NCK2: variants seen among roughly 807,000 people sequenced by gnomAD.
NCK2 encodes NCK adaptor protein 2, also known as cytoplasmic protein NCK2.
In NCK2, 16 loss-of-function variants were observed where a neutral mutation model predicts 33.9. The observed-to-expected ratio is 0.47, with a 90% confidence interval of 0.32 to 0.72. The LOEUF is 0.72. Among genes scored for constraint, NCK2 ranks in the 30% least tolerant of loss-of-function variants. NCK2 has a pLI of 0.03. For synonymous variants in NCK2, 273 were observed against 239.9 expected, an observed-to-expected ratio of 1.14 and a Z score of -1.27; for missense variants, 418 against 537.3, an observed-to-expected ratio of 0.78 and a Z score of 2.19.
chr2:105,893,194 ACTCG>A lies in NCK2; in HGVS notation c.*20_*23del, dbSNP rs748299981. On this transcript the variant is annotated 3_prime_UTR_variant, in exon 5 of 5. Transcript: ENST00000233154. ...TGCAGTGACGGCGCCCCGGCCCCAC[ACTCG>A]CCTCCCGGGCCCCACGGTGGAGCTG... 1.1e-5 allele frequency: 17 copies of A among 1,560,670 alleles called. No individual in the cohort carries two copies. The African/African-American group carries it at 2.0e-4, about 19-fold the overall frequency.
At chr2:105,806,239 T>A (rs533178748) in intron 1 of NCK2, among the ~76,000 whole-genome samples, 1,107 of 5,124 alleles carry the variant, frequency 0.22, 21 homozygotes, top group African/African-American at 0.3. Context: ...ATTTTCTTTC[T>A]TTTTTTTTTT....
intron 1 of NCK2, among the ~76,000 whole-genome samples, chr2:105,765,246 G>A (rs778292639): frequency 2.4e-4 from 37 of 152,198 alleles, no homozygotes; most frequent in Non-Finnish European, 4.3e-4. Flanking sequence ...CTAGAGGACC[G>A]TGTCTCAGAG....
At chr2:105,800,251 C>T (rs996970196) in intron 1 of NCK2, among the ~76,000 whole-genome samples, 18 of 152,242 alleles carry the variant, frequency 1.2e-4, no homozygotes, top group African/African-American at 4.1e-4. Context: ...CCGGTTCCAA[C>T]TGCACACCTT....
At chr2:105,883,038 A>G (rs1441416235) in intron 4 of NCK2, among the ~76,000 whole-genome samples, 2 of 110,008 alleles carry the variant, frequency 1.8e-5, no homozygotes, top group African/African-American at 7.3e-5. Context: ...AGCCCTCCAG[A>G]GAGAGGCGAC....
intron 1 of NCK2, among the ~76,000 whole-genome samples, chr2:105,808,459 C>T (rs1389285432): frequency 2.6e-5 from 4 of 152,100 alleles, no homozygotes; most frequent in Admixed American, 6.5e-5. Flanking sequence ...TACTAAATCA[C>T]GGATTAATCG....
intron 1 of NCK2, among the ~76,000 whole-genome samples, chr2:105,792,210 T>G (rs1690909745): frequency 6.6e-6 from 1 of 152,232 alleles, no homozygotes; most frequent in Non-Finnish European, 1.5e-5. Context: ...TGGGGGTTTC[T>G]GATGGCCCTT....
At chr2:105,745,498 C>T (rs994793635) in intron 1 of NCK2, among the ~76,000 whole-genome samples, 3 of 151,994 alleles carry the variant, frequency 2.0e-5, no homozygotes, top group Non-Finnish European at 4.4e-5. Flanking sequence ...CTGCGCCTGG[C>T]CTGCAGGCGG....
intron 3 of NCK2, chr2:105,856,768 T>C (rs1218756032): frequency 6.6e-6 from 1 of 152,238 alleles, no homozygotes; most frequent in Non-Finnish European, 1.5e-5. Context: ...ATTTCATTTT[T>C]GATTAGCAAT....
chr2:105,856,068 T>C (rs1677255353), intron 3 of NCK2, among the ~76,000 whole-genome samples: 1 of 152,048 alleles, frequency 6.6e-6, no homozygotes, highest in Non-Finnish European at 1.5e-5. Flanking sequence ...TCTCTTGACC[T>C]TGTGATCCGC....
chr2:105,838,006 A>C (rs1558863221), intron 2 of NCK2, among the ~76,000 whole-genome samples: 1 of 152,160 alleles, frequency 6.6e-6, no homozygotes, highest in Non-Finnish European at 1.5e-5. Context: ...CAGTTTCTTT[A>C]CAAGTATATT....
chr2:105,874,694 G>T (rs576775561), intron 3 of NCK2, among the ~76,000 whole-genome samples: 19 of 152,322 alleles, frequency 1.2e-4, no homozygotes, highest in Admixed American at 5.2e-4. Flanking sequence ...GAAGATGACA[G>T]GCAGAGCATG....
At chr2:105,857,275 A>G (rs948166494) in intron 3 of NCK2, 4 of 152,236 alleles carry the variant, frequency 2.6e-5, no homozygotes, top group Admixed American at 6.5e-5. Flanking sequence ...GGTTCAGCCA[A>G]TGCGTGTACT....
At chr2:105,851,009 CA>C (rs1677044007) in intron 2 of NCK2, among the ~76,000 whole-genome samples, 1 of 152,178 alleles carries the variant, frequency 6.6e-6, no homozygotes, top group East Asian at 1.9e-4. Flanking sequence ...GATGGGCTTC[CA>C]GCCAGCCTTT....
chr2:105,760,810 G>A (rs1327016183), intron 1 of NCK2, among the ~76,000 whole-genome samples: 2 of 151,538 alleles, frequency 1.3e-5, no homozygotes, highest in African/African-American at 4.9e-5. Flanking sequence ...GAGAGAGGCA[G>A]AGACACCGAG....
Position 105,748,227 on chromosome 2 carries a change from G to T in NCK2, c.-201+3089G>T, listed in dbSNP as rs146724183. ...TCAACTCCTTGGCTCAGTCTCCTCC[G>T]TGTCCTGAGTTCTTACTCATCCCAA... On this transcript the variant is annotated intron_variant, in intron 1 of 4. Transcript: ENST00000233154. Among the ~76,000 whole-genome samples, 580 of 152,232 alleles carry T rather than the reference G, an allele frequency of 3.8e-3. 1 individual carries two copies. Among genetic ancestry groups the T allele is most frequent in the Non-Finnish European group, 6.4e-3 (433 of 68,008 alleles).
chr2:105,750,376 T>TCCAAATATA (rs1294596549), intron 1 of NCK2, among the ~76,000 whole-genome samples: 1 of 152,200 alleles, frequency 6.6e-6, no homozygotes, highest in Non-Finnish European at 1.5e-5. Flanking sequence ...GCGTCCTGTC[T>TCCAAATATA]CCAAATATAG....
chr2:105,888,003 C>T (rs3769494), intron 4 of NCK2, among the ~76,000 whole-genome samples: 51 of 152,282 alleles, frequency 3.3e-4, no homozygotes, highest in East Asian at 2.3e-3. Flanking sequence ...TAAGTCTGCA[C>T]GTTTGTTGAA....
chr2:105,858,364 C>G (rs1205137836), intron 3 of NCK2, among the ~76,000 whole-genome samples: 1 of 152,180 alleles, frequency 6.6e-6, no homozygotes, highest in Non-Finnish European at 1.5e-5. Context: ...GATCCTCCCA[C>G]CTTAGCCTCC....
intron 1 of NCK2, among the ~76,000 whole-genome samples, chr2:105,769,406 G>A (rs190171053): frequency 1.0e-3 from 154 of 152,152 alleles, no homozygotes; most frequent in African/African-American, 3.6e-3. Context: ...CACTGTGCTG[G>A]TAACTCCCCC....
Sources: gnomAD v4.1 joint callset for allele counts (sites outside exome capture counted in the v4.1 genomes callset) on GRCh38, gnomAD v4.1.1 for gene constraint, MANE v1.5 for transcripts, NCBI Gene and HGNC (gene_info 2026-07-23, HGNC 2026-07-21) for gene names.